Variants in ST8SIA1 observed in about 807,000 individuals in gnomAD.
ST8SIA1 encodes ST8 alpha-N-acetyl-neuraminide alpha-2,8-sialyltransferase 1.
ST8SIA1 carries 16 observed loss-of-function variants against 35.9 expected under a neutral mutation model. That is an observed-to-expected ratio of 0.45 (90% CI 0.30 to 0.68). ST8SIA1 has a LOEUF of 0.68. Among genes scored for constraint, ST8SIA1 ranks in the 30% least tolerant of loss-of-function variants. ST8SIA1 has a pLI of 0.09. For synonymous variants in ST8SIA1, 170 were observed against 169.6 expected, an observed-to-expected ratio of 1.00 and a Z score of -0.02; for missense variants, 383 against 453.6, an observed-to-expected ratio of 0.84 and a Z score of 1.41.
At chr12:22,320,826 AAAAAG>A (rs1366446046) in intron 1 of ST8SIA1, among the ~76,000 whole-genome samples, 12 of 151,042 alleles carry the variant, frequency 7.9e-5, no homozygotes, top group Non-Finnish European at 7.4e-5. Context: ...AAGACCTAAA[AAAAAG>A]AAAAGAAAAG....
At chr12:22,304,892 A>C (rs925500881) in intron 1 of ST8SIA1, among the ~76,000 whole-genome samples, 1 of 152,198 alleles carries the variant, frequency 6.6e-6, no homozygotes, top group Non-Finnish European at 1.5e-5. Flanking sequence ...TTTGTGCTTG[A>C]CATCCATCTT....
Position 22,334,090 on chromosome 12 carries a change from A to G in ST8SIA1, c.143T>C (p.Val48Ala), listed in dbSNP as rs1866811527. ...CTCTTTCTCGTTGGGCAGCCGGTAG[A>G]CGGGGAAGATGTAGAGCCAACAGAG... ...VVLCWLYIFP[V>A]YRLPNEKEIV... is the part of the protein sequence containing the mutation. The change falls in exon 1 of 5, where the codon GTC becomes GCC. Residue 48 changes from valine to alanine, a missense_variant. Transcript: ENST00000396037. The G allele has an allele frequency of 1.2e-6, 2 of 1,613,740 alleles. No individual in the cohort carries two copies. Among genetic ancestry groups the G allele is most frequent in the South Asian group, 2.2e-5 (2 of 91,052 alleles).
intron 3 of ST8SIA1, among the ~76,000 whole-genome samples, chr12:22,253,224 G>A (rs1412929743): frequency 1.3e-5 from 2 of 152,290 alleles, no homozygotes; most frequent in East Asian, 3.9e-4. Context: ...ACAACAGCAA[G>A]GACTTGTCTC....
At chr12:22,242,916 C>G (rs1865556798) in intron 4 of ST8SIA1, among the ~76,000 whole-genome samples, 1 of 152,162 alleles carries the variant, frequency 6.6e-6, no homozygotes, top group Non-Finnish European at 1.5e-5. Flanking sequence ...CTCAGGCACC[C>G]TAACTAATCT....
intron 1 of ST8SIA1, among the ~76,000 whole-genome samples, chr12:22,289,292 T>C (rs1866146016): frequency 7.6e-6 from 1 of 131,188 alleles, no homozygotes; most frequent in Admixed American, 7.3e-5. Flanking sequence ...GGTATGGTTA[T>C]TATTATTATT....
rs80059963 is a variant in ST8SIA1 at position 22,318,961 on chromosome 12, T to C, written c.236+15036A>G. On this transcript the variant is annotated intron_variant, in intron 1 of 4. Coordinates refer to ENST00000396037, the MANE Select transcript of ST8SIA1 (RefSeq NM_003034.4). The stretch of plus-strand genomic sequence containing the variant: ...GTCCTTAAGCTCTTTGTGGCTCAGT[T>C]TCTCCATCAAGAAAATGATGATCTT... Among the ~76,000 whole-genome samples the C allele has an allele frequency of 5.2e-4, 79 of 152,282 alleles. No homozygotes were observed. The East Asian group carries it at 0.013, about 26-fold the overall frequency.
chr12:22,257,721 G>T (rs973375818), intron 2 of ST8SIA1, among the ~76,000 whole-genome samples: 1 of 152,046 alleles, frequency 6.6e-6, no homozygotes, highest in African/African-American at 2.4e-5. Flanking sequence ...CGAGGCAGAA[G>T]AGGGAGGGAG....
At chr12:22,207,927 G>A (rs1182771301) in intron 4 of ST8SIA1, among the ~76,000 whole-genome samples, 1 of 151,904 alleles carries the variant, frequency 6.6e-6, no homozygotes, top group Non-Finnish European at 1.5e-5. Context: ...GACAGATCAC[G>A]AGGTCAGGAG....
chr12:22,324,312 TAA>T (rs1266598715), intron 1 of ST8SIA1: 1 of 152,130 alleles, frequency 6.6e-6, no homozygotes. Context: ...CGCTTCAAAC[TAA>T]AAAGTGTGAA....
chr12:22,314,755 A>G (rs1016684707), intron 1 of ST8SIA1, among the ~76,000 whole-genome samples: 1 of 152,112 alleles, frequency 6.6e-6, no homozygotes, highest in African/African-American at 2.4e-5. Context: ...GGCTCTCGGC[A>G]TGACTGTTTC....
At chr12:22,302,972 G>GTAC (rs1866336459) in intron 1 of ST8SIA1, among the ~76,000 whole-genome samples, 1 of 152,090 alleles carries the variant, frequency 6.6e-6, no homozygotes, top group South Asian at 2.1e-4. Flanking sequence ...TCCCTAAAAT[G>GTAC]TGTATAAAAC....
rs911684390 is a variant in ST8SIA1 at position 22,194,773 on chromosome 12, C to G, written c.*6779G>C. On this transcript the variant is annotated 3_prime_UTR_variant, in exon 5 of 5. Coordinates refer to ENST00000396037, the MANE Select transcript of ST8SIA1 (RefSeq NM_003034.4). The stretch of plus-strand genomic sequence containing the variant: ...ACTCTAGCTATGCATAGCCCACTTT[C>G]CAAGGGTGAGGGTCAAAGTGACACT... 6.6e-6 allele frequency: 1 copy of G among 152,164 alleles called. No homozygotes were observed. Among genetic ancestry groups the G allele is most frequent in the South Asian group, 2.1e-4 (1 of 4,826 alleles). 9.4% of individuals were successfully genotyped at this position (152,164 alleles called of 1,614,324 possible). A position where few individuals can be genotyped will look rare whatever the true frequency, so the allele number is the denominator to read the frequency against.
intron 1 of ST8SIA1, among the ~76,000 whole-genome samples, chr12:22,289,675 A>T (rs1866151251): frequency 1.3e-5 from 2 of 152,296 alleles, no homozygotes; most frequent in Admixed American, 6.5e-5. Context: ...ACCTCACATC[A>T]GGTACTTATT....
rs1478295260 is a variant in ST8SIA1 at position 22,334,112 on chromosome 12, A to G, written c.121T>C (p.Cys41Arg). 6.2e-7 allele frequency: 1 copy of G among 1,613,798 alleles called. No individual in the cohort carries two copies. Among genetic ancestry groups the G allele is most frequent in the African/African-American group, 1.3e-5 (1 of 74,868 alleles). ...TAGACGGGGAAGATGTAGAGCCAAC[A>G]GAGGACCACGACACAGAGGGCACTG... ...GASALCVVVLCWLYIFPVYRL... is the reference protein window; with the variant it reads ...GASALCVVVLRWLYIFPVYRL... The change falls in exon 1 of 5, where the codon TGT becomes CGT. Residue 41 changes from cysteine (C) to arginine (R), a missense_variant. Physicochemically the swap from Cys to Arg is radical, Grantham distance 180. Transcript: ENST00000396037.
At chr12:22,241,815 T>C (rs1324195981) in intron 4 of ST8SIA1, among the ~76,000 whole-genome samples, 1 of 152,098 alleles carries the variant, frequency 6.6e-6, no homozygotes, top group African/African-American at 2.4e-5. Flanking sequence ...TTCAACTTTG[T>C]AATGTCATGT....
At chr12:22,208,107 T>G (rs1591823880) in intron 4 of ST8SIA1, among the ~76,000 whole-genome samples, 1 of 140,454 alleles carries the variant, frequency 7.1e-6, no homozygotes, top group South Asian at 2.2e-4. Flanking sequence ...GCCACTGCAC[T>G]CCAGCCTGGG....
intron 1 of ST8SIA1, among the ~76,000 whole-genome samples, chr12:22,329,521 A>G (rs554965735): frequency 7.2e-5 from 11 of 152,286 alleles, no homozygotes; most frequent in African/African-American, 2.6e-4. Context: ...AAAACTTATT[A>G]AACCCTCTTT....
At chr12:22,260,871 G>GCTGTTTT (rs1555157907) in intron 2 of ST8SIA1, among the ~76,000 whole-genome samples, 4 of 97,544 alleles carry the variant, frequency 4.1e-5, no homozygotes, top group African/African-American at 3.9e-5. Context: ...TTATATAGTT[G>GCTGTTTT]TTGTTTTTTT....
Position 22,334,247 on chromosome 12 carries a change from C to T in ST8SIA1, c.-15G>A. ...CAGGGGCTCATCGCAGCCCCGGCGT[C>T]CCAGGGGCGGGGGCCGGGGCCTCAG... is the stretch of plus-strand genomic sequence containing the variant. On this transcript the variant is annotated 5_prime_UTR_variant, in exon 1 of 5. Transcript: ENST00000396037. The T allele has an allele frequency of 6.2e-7, 1 of 1,604,704 alleles. No individual in the cohort carries two copies. Among genetic ancestry groups the T allele is most frequent in the South Asian group, 1.1e-5 (1 of 90,826 alleles).
Sources: gnomAD v4.1 joint callset for allele counts (sites outside exome capture counted in the v4.1 genomes callset) on GRCh38, gnomAD v4.1.1 for gene constraint, MANE v1.5 for transcripts, NCBI Gene and HGNC (gene_info 2026-07-23, HGNC 2026-07-21) for gene names.